Variants in ERMP1 observed in about 807,000 individuals in gnomAD.
The protein encoded by ERMP1 is Felix-ina.
Under a neutral mutation model 92.0 loss-of-function variants are expected in ERMP1, and 86 were observed. The ratio of observed to expected loss-of-function variants is 0.93; its 90% CI spans 0.79 to 1.12. ERMP1 has a LOEUF of 1.12. Among genes scored for constraint, ERMP1 ranks in the 50% most tolerant of loss-of-function variants. ERMP1 has a pLI of 0.00. For synonymous variants in ERMP1, 530 were observed against 412.8 expected (o/e 1.28, Z -3.44); for missense variants, 1,342 against 1,116.3 (o/e 1.20, Z -2.88).
intron 4 of ERMP1, among the ~76,000 whole-genome samples, chr9:5,820,655 T>C (rs902881665): frequency 6.6e-6 from 1 of 152,160 alleles, no homozygotes; most frequent in Non-Finnish European, 1.5e-5. Flanking sequence ...CTCTCAGAAG[T>C]GACAAGGGAG....
chr9:5,824,746 A>C (rs1829671848), intron 3 of ERMP1, among the ~76,000 whole-genome samples: 1 of 152,200 alleles, frequency 6.6e-6, no homozygotes, highest in African/African-American at 2.4e-5. Flanking sequence ...ACAGGAGAAG[A>C]GACGATCCAT....
chr9:5,803,510 G>C (rs1828752169), intron 10 of ERMP1, among the ~76,000 whole-genome samples: 1 of 152,014 alleles, frequency 6.6e-6, no homozygotes, highest in Non-Finnish European at 1.5e-5. Context: ...CAGTGGAACA[G>C]AATTTAAATG....
intron 6 of ERMP1, among the ~76,000 whole-genome samples, chr9:5,849,497 T>C (rs1830280326): frequency 6.6e-6 from 1 of 152,228 alleles, no homozygotes; most frequent in Non-Finnish European, 1.5e-5. Flanking sequence ...CTCCTTGCTA[T>C]GCCCACTTCC....
chr9:5,828,330 T>C (rs1024572690), intron 2 of ERMP1, among the ~76,000 whole-genome samples: 20 of 152,178 alleles, frequency 1.3e-4, no homozygotes, highest in Admixed American at 1.2e-3. Flanking sequence ...GCAGGTACTA[T>C]ACAAAAAAGC....
chr9:5,813,822 T>A lies in ERMP1; in HGVS notation c.875-787A>T, dbSNP rs551838349. 2.7e-5 allele frequency among the ~76,000 whole-genome samples: 4 copies of A among 150,278 alleles called. No homozygotes were observed. In the South Asian group the frequency reaches 8.3e-4, roughly 31 times the overall value. On this transcript the variant is annotated intron_variant, in intron 4 of 14. Transcript: ENST00000339450. ...TACAGCTTTTTCAAATGGGAGTTTT[T>A]CCTGTAGGATAGTGGGATACATTGT...
intron 6 of ERMP1, among the ~76,000 whole-genome samples, chr9:5,850,771 C>A (rs1830299932): frequency 6.6e-6 from 1 of 152,124 alleles, no homozygotes. Flanking sequence ...AGTTGGAAAC[C>A]CATGGCCATT....
intron 6 of ERMP1, among the ~76,000 whole-genome samples, chr9:5,846,729 C>T (rs1379843219): frequency 3.3e-5 from 5 of 152,124 alleles, no homozygotes; most frequent in South Asian, 2.1e-4. Flanking sequence ...CTTTGCTATC[C>T]CTGTGGTTCA....
intron 5 of ERMP1, among the ~76,000 whole-genome samples, chr9:5,862,287 C>G (rs1025120546): frequency 6.6e-6 from 1 of 152,094 alleles, no homozygotes; most frequent in African/African-American, 2.4e-5. Context: ...CTGCCTCAGC[C>G]TCTCAAAGTG....
Position 5,832,775 on chromosome 9 carries a change from G to C in ERMP1, c.253C>G (p.Arg85Gly). The C allele has an allele frequency of 4.7e-6, 7 of 1,500,172 alleles. No homozygotes were observed. Among genetic ancestry groups the C allele is most frequent in the Non-Finnish European group, 6.2e-6 (7 of 1,132,824 alleles). 92.9% of individuals were successfully genotyped at this position (1,500,172 alleles called of 1,614,324 possible). A position where few individuals can be genotyped will look rare whatever the true frequency, so the allele number is the denominator to read the frequency against. ...LGLALYLIAL[R>G]TLVQLSLQQL... is the part of the protein sequence containing the mutation. ...TGCAGCGAGAGCTGCACCAGCGTCC[G>C]CAGCGCGATCAGGTAGAGCGCGAGC... The change falls in exon 1 of 15, where the codon CGG (arginine) becomes GGG (glycine). Residue 85 changes from arginine to glycine, a missense_variant. Transcript: ENST00000339450.
At position 5,811,255 on chromosome 9, in the gene ERMP1, G is replaced by A. The variant is rs1401003887; in HGVS notation, c.1183C>T (p.Arg395Ter). Reference sequence around the variant, plus strand: ...TCAAAGAAGACCATGTTTCCATGTCGATACTTAGAAGCAGCAGCCAGCATA... The same window carrying A: ...TCAAAGAAGACCATGTTTCCATGTCAATACTTAGAAGCAGCAGCCAGCATA... ...SDMLAAASKY[R>*]HGNMVFFDVL... The change falls in exon 7 of 15, where the codon CGA becomes TGA. Residue 395 changes from arginine (R) to a stop codon, truncating the protein, a stop_gained. Coordinates refer to ENST00000339450, the MANE Select transcript of ERMP1 (RefSeq NM_024896.3). LOFTEE classifies it high-confidence loss of function. 9 of 1,613,324 alleles carry A rather than the reference G, an allele frequency of 5.6e-6. No homozygotes were observed. The highest frequency in any genetic ancestry group is 7.6e-6 in the Non-Finnish European group (9 of 1,179,862).
At chr9:5,805,246 T>A in intron 9 of ERMP1, 29 bp from the exon 10 acceptor site, 1 of 1,535,208 alleles carries the variant, frequency 6.5e-7, no homozygotes, top group Non-Finnish European at 8.9e-7. Flanking sequence ...AAAGCACACA[T>A]CTATGAAATC....
At chr9:5,798,243 T>A (rs1300036915) in intron 12 of ERMP1, among the ~76,000 whole-genome samples, 1 of 151,804 alleles carries the variant, frequency 6.6e-6, no homozygotes, top group African/African-American at 2.4e-5. Flanking sequence ...AGAGACAGAG[T>A]TTTGCTGTTG....
chr9:5,798,494 G>A (rs1308089613), intron 12 of ERMP1, among the ~76,000 whole-genome samples: 1 of 152,106 alleles, frequency 6.6e-6, no homozygotes, highest in African/African-American at 2.4e-5. Flanking sequence ...GGGATTACAG[G>A]CATGAGCCAC....
intron 2 of ERMP1, among the ~76,000 whole-genome samples, chr9:5,826,297 AC>A (rs1829729275): frequency 6.6e-6 from 1 of 152,240 alleles, no homozygotes; most frequent in Non-Finnish European, 1.5e-5. Context: ...CTGGGTTTAC[AC>A]ATTTGAAGCA....
At chr9:5,857,909 G>A (rs1263231573) in intron 6 of ERMP1, among the ~76,000 whole-genome samples, 1 of 152,132 alleles carries the variant, frequency 6.6e-6, no homozygotes, top group Non-Finnish European at 1.5e-5. Flanking sequence ...TTCTCTAAGG[G>A]CTCACAGTCC....
At chr9:5,793,986 T>C (rs1197012595) in intron 13 of ERMP1, among the ~76,000 whole-genome samples, 1 of 152,088 alleles carries the variant, frequency 6.6e-6, no homozygotes, top group Non-Finnish European at 1.5e-5. Context: ...GTATGCACAT[T>C]ATTTTCAAGC....
chr9:5,821,295 T>G (rs1299600725), intron 4 of ERMP1, among the ~76,000 whole-genome samples: 1 of 152,222 alleles, frequency 6.6e-6, no homozygotes, highest in East Asian at 1.9e-4. Flanking sequence ...TAAACTGTTG[T>G]TTTACCTTTA....
rs530945458 is a variant in ERMP1, at chr9:5,786,035, A to G, written c.*1109T>C. ...CCATTACGCAGGATCTGAACCACCT[A>G]CACGTACAGTGGTCTCATTCCAGTA... is the stretch of plus-strand genomic sequence containing the variant. On this transcript the variant is annotated 3_prime_UTR_variant, in exon 15 of 15. Transcript: ENST00000339450. 1.2e-4 allele frequency: 19 copies of G among 152,308 alleles called. No homozygotes were observed. The highest frequency in any genetic ancestry group is 4.3e-4 in the African/African-American group (18 of 41,572). 9.4% of individuals were successfully genotyped at this position (152,308 alleles called of 1,614,324 possible). A position where few individuals can be genotyped will look rare whatever the true frequency, so the allele number is the denominator to read the frequency against.
intron 6 of ERMP1, chr9:5,856,165 T>C (rs140176686): frequency 9.2e-5 from 28 of 304,858 alleles, no homozygotes; most frequent in African/African-American, 5.5e-4. Context: ...AGGGCATTGG[T>C]TTGTCCTAAA....
Sources: allele counts gnomAD v4.1 joint callset (sites outside exome capture counted in the v4.1 genomes callset), GRCh38; gene constraint gnomAD v4.1.1; transcripts MANE v1.5; gene names NCBI Gene and HGNC (gene_info 2026-07-23, HGNC 2026-07-21).